The following NRG1 variants were observed in gnomAD, a reference collection of about 807,000 sequenced individuals.
The protein encoded by NRG1 is pro-neuregulin-1, membrane-bound isoform.
Under a neutral mutation model 63.8 loss-of-function variants are expected in NRG1, and 18 were observed. That is an observed-to-expected ratio of 0.28 (90% CI 0.19 to 0.42). The LOEUF (loss-of-function observed/expected upper bound fraction) is 0.42. NRG1 is among the 10% of genes least tolerant of loss of function. The pLI, the probability that NRG1 is intolerant of heterozygous loss-of-function variation, is 1.00. For missense variants in NRG1, 762 were observed against 814.7 expected (o/e 0.94, Z 0.79); for synonymous variants, 302 against 301.3 (o/e 1.00, Z -0.02).
intron 1 of NRG1, among the ~76,000 whole-genome samples, chr8:31,945,130 T>C (rs182584345): frequency 9.5e-4 from 145 of 152,314 alleles, no homozygotes; most frequent in African/African-American, 3.2e-3. Flanking sequence ...ATTCTAAGCT[T>C]CTTACTCTGA....
intron 1 of NRG1, among the ~76,000 whole-genome samples, chr8:32,503,572 G>A (rs1828141869): frequency 6.6e-6 from 1 of 152,098 alleles, no homozygotes; most frequent in South Asian, 2.1e-4. Context: ...TTAAACCTCA[G>A]TAGTTATAAT....
At chr8:31,809,277 A>G (rs1249841577) in intron 1 of NRG1, among the ~76,000 whole-genome samples, 3 of 149,258 alleles carry the variant, frequency 2.0e-5, no homozygotes, top group Non-Finnish European at 3.0e-5. Flanking sequence ...CCTCAGGGGA[A>G]ATTTCAGTCT....
At chr8:32,627,521 A>G (rs1396367322) in intron 5 of NRG1, among the ~76,000 whole-genome samples, 1 of 152,156 alleles carries the variant, frequency 6.6e-6, no homozygotes, top group Non-Finnish European at 1.5e-5. Context: ...TGTTGCCCAG[A>G]CAGGTTTCAA....
intron 1 of NRG1, among the ~76,000 whole-genome samples, chr8:32,320,440 G>A (rs973406989): frequency 3.9e-5 from 6 of 152,112 alleles, no homozygotes; most frequent in Non-Finnish European, 7.4e-5. Flanking sequence ...TAATTGGCTC[G>A]TGGTTCTACA....
intron 5 of NRG1, among the ~76,000 whole-genome samples, chr8:32,643,770 T>A (rs1253859895): frequency 6.6e-6 from 1 of 152,250 alleles, no homozygotes; most frequent in Non-Finnish European, 1.5e-5. Flanking sequence ...TATGCTTAAT[T>A]CTTATAATTT....
At chr8:31,666,627 C>T (rs898143653) in intron 1 of NRG1, among the ~76,000 whole-genome samples, 17 of 152,162 alleles carry the variant, frequency 1.1e-4, no homozygotes, top group African/African-American at 4.1e-4. Context: ...GGAAAATTAT[C>T]AAAAGTGAAT....
chr8:31,994,165 T>G (rs973668539), intron 1 of NRG1, among the ~76,000 whole-genome samples: 1 of 151,832 alleles, frequency 6.6e-6, no homozygotes, highest in African/African-American at 2.4e-5. Context: ...CCAAGTAAAT[T>G]TATAATATGT....
chr8:31,907,113 C>T (rs948299399), intron 1 of NRG1, among the ~76,000 whole-genome samples: 1 of 152,108 alleles, frequency 6.6e-6, no homozygotes, highest in Admixed American at 6.6e-5. Flanking sequence ...CAGGTATACA[C>T]AGCTTTAGGG....
chr8:31,673,923 A>G (rs982234894), intron 1 of NRG1, among the ~76,000 whole-genome samples: 3 of 152,124 alleles, frequency 2.0e-5, no homozygotes, highest in East Asian at 1.9e-4. Flanking sequence ...GAACATTTCC[A>G]TCATCCCCCA....
At chr8:32,616,156 C>T (rs142331858) in intron 4 of NRG1, among the ~76,000 whole-genome samples, 27 of 151,932 alleles carry the variant, frequency 1.8e-4, no homozygotes, top group South Asian at 1.5e-3. Context: ...ATGCTTTTTT[C>T]GGCATGAGTC....
chr8:31,900,634 A>G (rs556211741), intron 1 of NRG1, among the ~76,000 whole-genome samples: 57 of 152,338 alleles, frequency 3.7e-4, no homozygotes, highest in South Asian at 1.2e-3. Context: ...AAATTTTTTT[A>G]TAGAAGAAAC....
chr8:32,184,274 A>T (rs1202304374), intron 1 of NRG1, among the ~76,000 whole-genome samples: 1 of 152,166 alleles, frequency 6.6e-6, no homozygotes, highest in Non-Finnish European at 1.5e-5. Context: ...AGTATCTGCT[A>T]TAAAAGTTTA....
intron 1 of NRG1, among the ~76,000 whole-genome samples, chr8:31,680,433 C>T (rs1192779864): frequency 1.5e-4 from 23 of 151,930 alleles, no homozygotes; most frequent in African/African-American, 5.1e-4. Flanking sequence ...AGAATGATGA[C>T]TTCCAATTTC....
intron 1 of NRG1, among the ~76,000 whole-genome samples, chr8:31,997,481 A>G (rs910761566): frequency 3.3e-5 from 5 of 152,032 alleles, no homozygotes; most frequent in Non-Finnish European, 5.9e-5. Context: ...AACACATTAT[A>G]TTTCATAAAG....
In NRG1 at chr8:31,807,891, A is replaced by C. The variant is rs566942257; in HGVS notation, c.37+168460A>C. 8.5e-5 allele frequency among the ~76,000 whole-genome samples: 13 copies of C among 152,168 alleles called. 1 individual carries two copies. In the South Asian group the frequency reaches 2.5e-3, roughly 29 times the overall value. ...ACTTAGCACAATGACCTCCAGGTTCATCCATGTTGTTGTATATTTCAGAAT... is the reference window on the plus strand; with the variant it reads ...ACTTAGCACAATGACCTCCAGGTTCCTCCATGTTGTTGTATATTTCAGAAT... On this transcript the variant is annotated intron_variant, in intron 1 of 10. Coordinates refer to the NRG1 transcript ENST00000519301.
At chr8:32,345,381 A>G (rs1804754724) in intron 1 of NRG1, among the ~76,000 whole-genome samples, 1 of 152,314 alleles carries the variant, frequency 6.6e-6, no homozygotes, top group East Asian at 1.9e-4. Context: ...TGAGGGCTTC[A>G]TCTGTGAGTT....
At chr8:32,503,288 GA>G (rs60857610) in intron 1 of NRG1, among the ~76,000 whole-genome samples, 4,057 of 54,316 alleles carry the variant, frequency 0.075, 189 homozygotes, top group Non-Finnish European at 0.092. Flanking sequence ...CTCTGTCTCA[GA>G]AAAAAAAAAA....
At chr8:32,545,133 T>C (rs1434076444), upstream of NRG1, among the ~76,000 whole-genome samples, 1 of 152,234 alleles carries the variant, frequency 6.6e-6, no homozygotes, top group African/African-American at 2.4e-5. Flanking sequence ...AAAACTTTTC[T>C]TGGAGTATTT....
chr8:32,505,641 G>T (rs1828425278), intron 1 of NRG1, among the ~76,000 whole-genome samples: 1 of 152,152 alleles, frequency 6.6e-6, no homozygotes, highest in African/African-American at 2.4e-5. Flanking sequence ...AGACCCTCAT[G>T]GTCACAGGCA....
Sources: gnomAD v4.1 joint callset for allele counts (sites outside exome capture counted in the v4.1 genomes callset) on GRCh38, gnomAD v4.1.1 for gene constraint, MANE v1.5 for transcripts, NCBI Gene and HGNC (gene_info 2026-07-23, HGNC 2026-07-21) for gene names.